The following UNC13B variants were observed in gnomAD, a reference collection of about 807,000 sequenced individuals.
The protein encoded by UNC13B is unc-13 homolog B, also known as protein unc-13 homolog B.
In UNC13B, 144 loss-of-function variants were observed where a neutral mutation model predicts 211.0. The observed-to-expected ratio is 0.68, with a 90% CI of 0.60 to 0.78. UNC13B has a LOEUF of 0.78. Ranked by LOEUF, UNC13B falls within the 30% of genes least tolerant of loss-of-function variation. The pLI, the probability that UNC13B is intolerant of heterozygous loss-of-function variation, is 0.00. For missense variants in UNC13B, 1,777 were observed against 2,002.0 expected (o/e 0.89, Z 2.14); for synonymous variants, 709 against 725.8 (o/e 0.98, Z 0.37).
chr9:35,296,972 T>A (rs940675688), intron 8 of UNC13B, among the ~76,000 whole-genome samples: 2 of 152,342 alleles, frequency 1.3e-5, no homozygotes, highest in African/African-American at 4.8e-5. Flanking sequence ...TATTTGTTCC[T>A]TTCTGGTCCA....
In UNC13B at chr9:35,268,619, G is replaced by A. The variant is rs1318789796; in HGVS notation, c.526+9569G>A. On this transcript the variant is annotated intron_variant, in intron 7 of 39. Transcript: ENST00000635942. ...GGGCGACAGAGCGAGACTCTGTCTC[G>A]GAAAAAATTTCCTAAAATCTGGATT... is the stretch of plus-strand genomic sequence containing the variant. 3.9e-5 allele frequency among the ~76,000 whole-genome samples: 6 copies of A among 152,126 alleles called. No individual in the cohort carries two copies. The East Asian group carries it at 5.8e-4, about 15-fold the overall frequency.
chr9:35,381,496 T>G (rs1834833239), intron 19 of UNC13B, 60 bp from the exon 20 acceptor site: 1 of 1,542,528 alleles, frequency 6.5e-7, no homozygotes, highest in South Asian at 1.2e-5. Flanking sequence ...TACCACCAAG[T>G]TTGTTTTTGT....
chr9:35,272,274 T>C (rs1390520052), intron 7 of UNC13B, among the ~76,000 whole-genome samples: 1 of 150,554 alleles, frequency 6.6e-6, no homozygotes, highest in Non-Finnish European at 1.5e-5. Flanking sequence ...TTTTTTTTTT[T>C]TGAGATGGAG....
chr9:35,358,754 C>T (rs1175391130), intron 11 of UNC13B, among the ~76,000 whole-genome samples: 8 of 138,854 alleles, frequency 5.8e-5, no homozygotes, highest in South Asian at 2.2e-4. Context: ...AGTGCAGTGG[C>T]GTGATTTCGG....
At chr9:35,254,836 C>A (rs1444250652) in intron 6 of UNC13B, among the ~76,000 whole-genome samples, 1 of 141,574 alleles carries the variant, frequency 7.1e-6, no homozygotes, top group African/African-American at 2.6e-5. Context: ...TTCTCCTAGT[C>A]CTTACGCTTT....
intron 11 of UNC13B, among the ~76,000 whole-genome samples, chr9:35,314,553 T>C (rs1178725440): frequency 6.6e-6 from 1 of 152,198 alleles, no homozygotes; most frequent in Non-Finnish European, 1.5e-5. Context: ...GGTACTTTTT[T>C]TTCCATATAA....
At chr9:35,364,509 T>G (rs1324041771) in intron 11 of UNC13B, 12 of 1,535,918 alleles carry the variant, frequency 7.8e-6, no homozygotes, top group Non-Finnish European at 9.6e-6. Context: ...TCTACTAACC[T>G]TTCTGCCCTT....
At chr9:35,400,806 T>C (rs1202135912) in intron 37 of UNC13B, among the ~76,000 whole-genome samples, 1 of 152,250 alleles carries the variant, frequency 6.6e-6, no homozygotes, top group South Asian at 2.1e-4. Context: ...AGGCTCATAG[T>C]GTGTGGAGCT....
At chr9:35,225,589 G>C (rs1194801635) in intron 1 of UNC13B, among the ~76,000 whole-genome samples, 1 of 151,908 alleles carries the variant, frequency 6.6e-6, no homozygotes, top group Non-Finnish European at 1.5e-5. Context: ...GGGGAAAGGT[G>C]TTTTGGCTTT....
intron 7 of UNC13B, among the ~76,000 whole-genome samples, chr9:35,277,415 A>G (rs762689557): frequency 2.6e-5 from 4 of 152,220 alleles, no homozygotes; most frequent in Non-Finnish European, 4.4e-5. Context: ...ATTTATAAGC[A>G]TTAGAATGCT....
rs1223780737 is a variant in UNC13B at position 35,403,760 on chromosome 9, TGAG to T, written c.12755_12757del (p.Glu4252del). ...CTTGTGCTCACAGCCTCCTGGGAAA[TGAG>T]GAGGGGCCCGAGTCCTATGAGTTGC... On this transcript the variant is annotated inframe_deletion, in exon 40 of 40. Transcript: ENST00000635942. 3 of 1,613,674 alleles carry T rather than the reference TGAG, an allele frequency of 1.9e-6. No homozygotes were observed. Among genetic ancestry groups the T allele is most frequent in the African/African-American group, 2.7e-5 (2 of 74,758 alleles).
chr9:35,364,547 GA>G, intron 11 of UNC13B: 1 of 1,536,072 alleles, frequency 6.5e-7, no homozygotes, highest in Non-Finnish European at 8.7e-7. Flanking sequence ...CCTTGCAGAA[GA>G]AAAGCGAGGA....
intron 11 of UNC13B, among the ~76,000 whole-genome samples, chr9:35,332,661 G>A (rs1474316656): frequency 1.3e-5 from 2 of 152,070 alleles, no homozygotes; most frequent in Non-Finnish European, 2.9e-5. Flanking sequence ...GCCATTTTAT[G>A]TATTACTGCC....
chr9:35,301,558 C>G lies in UNC13B; in HGVS notation c.2154C>G (p.Gly718=), dbSNP rs146268825. The G allele has an allele frequency of 7.2e-4, 288 of 398,868 alleles. No individual in the cohort carries two copies. Among genetic ancestry groups the G allele is most frequent in the African/African-American group, 5.4e-3 (262 of 48,712 alleles). 24.7% of individuals were successfully genotyped at this position (398,868 alleles called of 1,614,324 possible). ...ATGGGAGTGATGAAGAAACTACGGG[C>G]TGGTTCCAGATGCCCACAAGTGAGA... ...ALNGSDEETT[G]WFQMPTSENL... The change falls in exon 9 of 40, where the codon GGC becomes GGG. Residue 718 remains glycine (G), a synonymous_variant. Transcript: ENST00000635942.
Position 35,301,479 on chromosome 9 carries a change from TAAATA to T in UNC13B, c.2079_2083del (p.Asn693LysfsTer6). On this transcript the variant is annotated frameshift_variant, in exon 9 of 40. Coordinates refer to ENST00000635942, the MANE Select transcript of UNC13B (RefSeq NM_001371189.2). LOFTEE classifies it high-confidence loss of function. ...AGCTTTGTTGAGTGTGGTTTGGAGTTAAATAAAAGGGAAGGCACTCTTGACAATTA... is the reference window on the plus strand; with the variant it reads ...AGCTTTGTTGAGTGTGGTTTGGAGTTAAAGGGAAGGCACTCTTGACAATTA... The T allele has an allele frequency of 2.5e-6, 1 of 398,304 alleles. No homozygotes were observed. Among genetic ancestry groups the T allele is most frequent in the Non-Finnish European group, 4.4e-6 (1 of 225,768 alleles). The allele number at this position is 398,304 out of a possible 1,614,324, so 24.7% of individuals were successfully genotyped here. A position where few individuals can be genotyped will look rare whatever the true frequency, so the allele number is the denominator to read the frequency against.
At chr9:35,340,994 T>C (rs1564147929) in intron 11 of UNC13B, among the ~76,000 whole-genome samples, 1 of 152,156 alleles carries the variant, frequency 6.6e-6, no homozygotes, top group Non-Finnish European at 1.5e-5. Flanking sequence ...AATTGTTGAA[T>C]TATTAGGAAT....
At position 35,252,356 on chromosome 9, in the gene UNC13B, A is replaced by G. The variant is rs151207884; in HGVS notation, c.469-6637A>G. On this transcript the variant is annotated intron_variant, in intron 6 of 39. Coordinates refer to ENST00000635942, the MANE Select transcript of UNC13B (RefSeq NM_001371189.2). ...TTTTATTTATTTATTTTTATTTGAG[A>G]CAGTCTTACTTTGTCACCCAGGCTG... is the stretch of plus-strand genomic sequence containing the variant. Among the ~76,000 whole-genome samples the G allele has an allele frequency of 3.7e-4, 57 of 152,066 alleles. 2 individuals carry two copies. The East Asian group carries it at 0.011, about 29-fold the overall frequency.
chr9:35,400,113 C>T (rs1169483150), intron 36 of UNC13B, among the ~76,000 whole-genome samples, 183 bp from the exon 37 acceptor site: 1 of 152,192 alleles, frequency 6.6e-6, no homozygotes, highest in African/African-American at 2.4e-5. Flanking sequence ...AGGAATGTGG[C>T]CATCCCCTAC....
chr9:35,260,880 C>G (rs918030053), intron 7 of UNC13B, among the ~76,000 whole-genome samples: 2 of 152,090 alleles, frequency 1.3e-5, no homozygotes, highest in African/African-American at 4.8e-5. Context: ...GATTTTACTT[C>G]CTACTCCTTC....
Sources: allele counts gnomAD v4.1 joint callset (sites outside exome capture counted in the v4.1 genomes callset), GRCh38; gene constraint gnomAD v4.1.1; transcripts MANE v1.5; gene names NCBI Gene and HGNC (gene_info 2026-07-23, HGNC 2026-07-21).